The following TRAPPC9 variants were observed in gnomAD, a reference collection of about 807,000 sequenced individuals.
The protein encoded by TRAPPC9 is IKK2 binding protein.
A neutral mutation model predicts 124.0 loss-of-function variants in TRAPPC9; 83 were observed. The ratio of observed to expected loss-of-function variants is 0.67; its 90% CI spans 0.56 to 0.80. TRAPPC9 has a LOEUF of 0.80. Among genes scored for constraint, TRAPPC9 ranks in the 30% least tolerant of loss-of-function variants. TRAPPC9 has a pLI of 0.00. For synonymous variants in TRAPPC9, 638 were observed against 617.5 expected, an observed-to-expected ratio of 1.03 and a Z score of -0.49; for missense variants, 1,302 against 1,508.3, an observed-to-expected ratio of 0.86 and a Z score of 2.27.
chr8:140,373,240 A>G (rs1396274555), intron 7 of TRAPPC9, among the ~76,000 whole-genome samples: 1 of 152,222 alleles, frequency 6.6e-6, no homozygotes, highest in African/African-American at 2.4e-5. Flanking sequence ...GGATGACAAT[A>G]AATCAATGAA....
intron 7 of TRAPPC9, among the ~76,000 whole-genome samples, chr8:140,393,119 T>C (rs1481447421): frequency 6.6e-6 from 1 of 151,438 alleles, no homozygotes; most frequent in African/African-American, 2.4e-5. Context: ...TCACCCAGGC[T>C]GGAGTGCAGT....
In TRAPPC9 at chr8:139,960,717, C is replaced by T. The variant is rs915025088; in HGVS notation, c.2810+28009G>A. ...CTGTTAGCCAGAGTTGTGGAGAGGA[C>T]GGTGACCATGTGGGGGACACCCAAG... On this transcript the variant is annotated intron_variant, in intron 19 of 22. Transcript: ENST00000438773. 3.2e-5 allele frequency among the ~76,000 whole-genome samples: 3 copies of T among 92,868 alleles called. 1 individual carries two copies. The highest frequency in any genetic ancestry group is 5.8e-4 in the East Asian group (2 of 3,430). 60.9% of individuals were successfully genotyped at this position (92,868 alleles called of 152,430 possible).
intron 17 of TRAPPC9, among the ~76,000 whole-genome samples, chr8:140,058,601 T>A (rs1045505441): frequency 6.6e-6 from 1 of 152,136 alleles, no homozygotes; most frequent in African/African-American, 2.4e-5. Context: ...AAAGACAAGC[T>A]GGGCAGGGAG....
intron 19 of TRAPPC9, among the ~76,000 whole-genome samples, chr8:139,938,760 C>T (rs1016238639): frequency 6.6e-6 from 1 of 151,470 alleles, no homozygotes; most frequent in African/African-American, 2.4e-5. Flanking sequence ...ATTCTCCTGC[C>T]TCAGCCTCCC....
chr8:140,185,384 C>T (rs552788469), intron 17 of TRAPPC9, among the ~76,000 whole-genome samples: 30 of 152,334 alleles, frequency 2.0e-4, no homozygotes, highest in Non-Finnish European at 3.8e-4. Context: ...CCAGGTGCTA[C>T]GCCATCACCA....
At chr8:139,977,651 C>G (rs1836575185) in intron 19 of TRAPPC9, among the ~76,000 whole-genome samples, 1 of 82,396 alleles carries the variant, frequency 1.2e-5, no homozygotes, top group South Asian at 5.4e-4. Context: ...TACGATCAAG[C>G]CTCCCTCCTC....
intron 17 of TRAPPC9, among the ~76,000 whole-genome samples, chr8:140,207,434 T>C (rs1230066222): frequency 2.0e-5 from 3 of 152,252 alleles, no homozygotes; most frequent in African/African-American, 7.2e-5. Context: ...AGCAAACATA[T>C]TGGCTTTCTG....
intron 17 of TRAPPC9, among the ~76,000 whole-genome samples, chr8:140,215,568 C>T (rs1326450037): frequency 2.0e-5 from 3 of 151,912 alleles, no homozygotes; most frequent in Non-Finnish European, 4.4e-5. Context: ...ATTGCTTGAA[C>T]CCGGGAGGCA....
At chr8:139,944,571 A>G (rs966804453) in intron 19 of TRAPPC9, among the ~76,000 whole-genome samples, 10 of 152,218 alleles carry the variant, frequency 6.6e-5, no homozygotes, top group Non-Finnish European at 1.2e-4. Context: ...GCAACCACTA[A>G]AAACATAAAG....
chr8:140,392,260 T>G (rs1444595746), intron 7 of TRAPPC9, among the ~76,000 whole-genome samples: 2 of 152,228 alleles, frequency 1.3e-5, no homozygotes, highest in African/African-American at 4.8e-5. Flanking sequence ...ATGGCCAATA[T>G]CTGAAAAGCA....
intron 17 of TRAPPC9, among the ~76,000 whole-genome samples, chr8:140,058,753 AAAAC>A (rs773763592): frequency 2.0e-5 from 3 of 152,254 alleles, no homozygotes; most frequent in Non-Finnish European, 4.4e-5. Context: ...ATCTGAAAAG[AAAAC>A]AAACAAAGGA....
intron 2 of TRAPPC9, among the ~76,000 whole-genome samples, chr8:140,444,867 G>GAAAA (rs71320363): frequency 5.3e-5 from 6 of 113,984 alleles, no homozygotes; most frequent in Non-Finnish European, 9.0e-5. Context: ...CCAATCTCAG[G>GAAAA]AAAAAAAAAA....
At chr8:139,823,428 AGGGTGT>A (rs1173719227) in intron 21 of TRAPPC9, among the ~76,000 whole-genome samples, 1 of 152,182 alleles carries the variant, frequency 6.6e-6, no homozygotes, top group Non-Finnish European at 1.5e-5. Context: ...CAAGGTGCCC[AGGGTGT>A]GGGTGGTTGA....
intron 17 of TRAPPC9, among the ~76,000 whole-genome samples, chr8:140,070,615 G>C (rs549171834): frequency 2.0e-4 from 31 of 152,300 alleles, no homozygotes; most frequent in African/African-American, 7.2e-4. Context: ...AGGAACAGTA[G>C]GGCCTCGTTT....
intron 19 of TRAPPC9, among the ~76,000 whole-genome samples, chr8:139,929,428 G>C (rs545350901): frequency 2.0e-5 from 3 of 152,184 alleles, no homozygotes; most frequent in African/African-American, 7.2e-5. Flanking sequence ...AGTGGTCCCA[G>C]GCTTACAATA....
chr8:139,945,675 G>A (rs139744454), intron 19 of TRAPPC9, among the ~76,000 whole-genome samples: 109 of 151,660 alleles, frequency 7.2e-4, no homozygotes, highest in African/African-American at 2.4e-3. Flanking sequence ...TCAGGCCCAC[G>A]TCCTCTTCCA....
At chr8:140,083,572 C>T (rs1301389514) in intron 17 of TRAPPC9, among the ~76,000 whole-genome samples, 1 of 152,132 alleles carries the variant, frequency 6.6e-6, no homozygotes, top group Non-Finnish European at 1.5e-5. Context: ...TTGGCCAAAC[C>T]ACCTAACCTC....
chr8:139,948,986 T>A (rs1324766850), intron 19 of TRAPPC9, among the ~76,000 whole-genome samples: 2 of 152,050 alleles, frequency 1.3e-5, no homozygotes, highest in South Asian at 2.1e-4. Context: ...GGCGGGAGAA[T>A]CGCTTGAACC....
At chr8:140,262,689 A>G (rs555950017) in intron 15 of TRAPPC9, 1 of 145,980 alleles carries the variant, frequency 6.9e-6, no homozygotes, top group African/African-American at 2.6e-5. Context: ...TCTGCCTCCT[A>G]CACTGAGCCG....
Sources: allele counts gnomAD v4.1 joint callset (sites outside exome capture counted in the v4.1 genomes callset), GRCh38; gene constraint gnomAD v4.1.1; transcripts MANE v1.5; gene names NCBI Gene and HGNC (gene_info 2026-07-23, HGNC 2026-07-21).